ERC2: variants seen among roughly 807,000 people sequenced by gnomAD.
ERC2 encodes the protein ELKS/RAB6-interacting/CAST family member 2.
ERC2 carries 42 observed loss-of-function variants against 114.8 expected under a neutral mutation model. That is an observed-to-expected ratio of 0.37 (90% CI 0.29 to 0.47). The LOEUF (loss-of-function observed/expected upper bound fraction) is 0.47, where lower values mean the gene tolerates loss of function less well. Ranked by LOEUF, ERC2 falls within the 20% of genes least tolerant of loss-of-function variation. The pLI is 0.99. For missense variants in ERC2, 939 were observed against 1,150.7 expected (o/e 0.82, Z 2.66); for synonymous variants, 454 against 425.5 (o/e 1.07, Z -0.82).
At chr3:55,783,355 A>C (rs2149057090) in intron 14 of ERC2, among the ~76,000 whole-genome samples, 1 of 152,320 alleles carries the variant, frequency 6.6e-6, no homozygotes, top group South Asian at 2.1e-4. Context: ...TACCAAGATC[A>C]CAGGGCTAAG....
chr3:56,379,894 A>G (rs1346365911), intron 2 of ERC2, among the ~76,000 whole-genome samples: 1 of 152,158 alleles, frequency 6.6e-6, no homozygotes, highest in Non-Finnish European at 1.5e-5. Context: ...GATGATAAGA[A>G]CTAACATATT....
In ERC2 at chr3:56,311,306, AT is replaced by A. The variant is rs1312300275; in HGVS notation, c.658-14872del. 9.0e-3 allele frequency among the ~76,000 whole-genome samples: 856 copies of A among 95,492 alleles called. 10 individuals carry two copies. Among genetic ancestry groups the A allele is most frequent in the Middle Eastern group, 0.019 (3 of 160 alleles). The allele number at this position is 95,492 out of a possible 152,430, so 62.6% of individuals were successfully genotyped here. A position where few individuals can be genotyped will look rare whatever the true frequency, so the allele number is the denominator to read the frequency against. On this transcript the variant is annotated intron_variant, in intron 2 of 17. Transcript: ENST00000288221. The stretch of plus-strand genomic sequence containing the variant: ...ATATATATATACACACATATATATA[AT>A]TTTTTTTTTTAAGACAGAGTCTCAC...
In ERC2 at chr3:56,435,112, C is replaced by T; in HGVS notation, c.-105G>A. ...TCCAGAATTTTCACCGCATTCTTTTCACAGTCCGTACCAGAAAATAACTCC... is the reference window on the plus strand; with the variant it reads ...TCCAGAATTTTCACCGCATTCTTTTTACAGTCCGTACCAGAAAATAACTCC... On this transcript the variant is annotated 5_prime_UTR_variant, in exon 2 of 18. Transcript: ENST00000288221. 1.2e-6 allele frequency: 1 copy of T among 818,560 alleles called. No homozygotes were observed. Among genetic ancestry groups the T allele is most frequent in the Non-Finnish European group, 1.9e-6 (1 of 532,926 alleles). The allele number at this position is 818,560 out of a possible 1,614,324, so 50.7% of individuals were successfully genotyped here. A position where few individuals can be genotyped will look rare whatever the true frequency, so the allele number is the denominator to read the frequency against.
intron 3 of ERC2, among the ~76,000 whole-genome samples, chr3:56,230,821 C>G (rs1264548210): frequency 6.6e-6 from 1 of 152,180 alleles, no homozygotes; most frequent in African/African-American, 2.4e-5. Flanking sequence ...AAATGGCATT[C>G]ACATGTTCTT....
intron 17 of ERC2, among the ~76,000 whole-genome samples, chr3:55,577,785 T>C (rs944850116): frequency 6.6e-6 from 1 of 152,124 alleles, no homozygotes; most frequent in East Asian, 1.9e-4. Context: ...GAGGGCTTCA[T>C]GTAACCTCCA....
intron 2 of ERC2, among the ~76,000 whole-genome samples, chr3:56,347,069 G>GT (rs777276039): frequency 7.0e-4 from 107 of 152,136 alleles, no homozygotes; most frequent in Non-Finnish European, 2.5e-4. Flanking sequence ...AACTTGCAGT[G>GT]TATTACAAAG....
chr3:55,789,000 T>A (rs1464534450), intron 14 of ERC2, among the ~76,000 whole-genome samples: 1 of 152,164 alleles, frequency 6.6e-6, no homozygotes, highest in African/African-American at 2.4e-5. Context: ...CACAGACTAG[T>A]TTTTCCAATT....
In ERC2 at chr3:55,992,182, T is replaced by C. The variant is rs746672472; in HGVS notation, c.2130A>G (p.Lys710=). Residue 710 remains lysine, a synonymous_variant, in exon 11 of 18, where the codon AAA becomes AAG. Transcript: ENST00000288221. The part of the protein sequence containing the change: ...EFADQIKQLD[K]EASYYRDECG... ...ACTCGTCGCGGTAGTAAGACGCCTC[T>C]TTATCGAGCTGTTTTATTTGGTCTG... is the stretch of plus-strand genomic sequence containing the variant. 1.9e-6 allele frequency: 3 copies of C among 1,613,938 alleles called. No individual in the cohort carries two copies. Among genetic ancestry groups the C allele is most frequent in the Non-Finnish European group, 2.5e-6 (3 of 1,179,830 alleles).
intron 7 of ERC2, among the ~76,000 whole-genome samples, chr3:56,022,458 T>A (rs2073780857): frequency 6.6e-6 from 1 of 152,188 alleles, no homozygotes; most frequent in Admixed American, 6.5e-5. Flanking sequence ...TTAAAAGGAC[T>A]CTGCAGGAGA....
intron 13 of ERC2, among the ~76,000 whole-genome samples, chr3:55,894,012 G>C (rs2063731780): frequency 6.6e-6 from 1 of 152,078 alleles, no homozygotes; most frequent in Admixed American, 6.5e-5. Context: ...TGGCAAATAT[G>C]AAAACACTTA....
chr3:56,451,740 G>A (rs1019011035), intron 1 of ERC2, among the ~76,000 whole-genome samples: 12 of 152,136 alleles, frequency 7.9e-5, no homozygotes, highest in African/African-American at 1.7e-4. Flanking sequence ...GACATAATTC[G>A]GATCTATTCA....
At chr3:55,639,287 C>G (rs2060080321) in intron 17 of ERC2, among the ~76,000 whole-genome samples, 1 of 152,128 alleles carries the variant, frequency 6.6e-6, no homozygotes, top group African/African-American at 2.4e-5. Context: ...TAGCATGTCC[C>G]AACCCCAAAT....
rs2074470567 is a variant in ERC2 at position 56,032,903 on chromosome 3, GAAAGAAAGAA to G, written c.1642-13882_1642-13873del. ...AGAAAGAAAGAGAGAGAGAGAGACA[GAAAGAAAGAA>G]AGAAAGAAAGAAAGAAAGAAAGAAA... On this transcript the variant is annotated intron_variant, in intron 7 of 17. Coordinates refer to ENST00000288221, the MANE Select transcript of ERC2 (RefSeq NM_015576.3). Among the ~76,000 whole-genome samples, 8 of 36,768 alleles carry G rather than the reference GAAAGAAAGAA, an allele frequency of 2.2e-4. No individual in the cohort carries two copies. The South Asian group carries it at 2.9e-3, about 13-fold the overall frequency. The allele number at this position is 36,768 out of a possible 152,430, so 24.1% of individuals were successfully genotyped here. A position where few individuals can be genotyped will look rare whatever the true frequency, so the allele number is the denominator to read the frequency against.
chr3:55,530,354 T>C (rs751533867), intron 17 of ERC2, among the ~76,000 whole-genome samples: 33 of 152,120 alleles, frequency 2.2e-4, no homozygotes, highest in Non-Finnish European at 4.6e-4. Flanking sequence ...AGACAATAAG[T>C]ACATGAATGG....
intron 3 of ERC2, among the ~76,000 whole-genome samples, chr3:56,254,085 G>C (rs1047564274): frequency 2.6e-5 from 4 of 152,248 alleles, no homozygotes; most frequent in Non-Finnish European, 5.9e-5. Flanking sequence ...AGATGGATTG[G>C]GAGAGGGCTA....
At chr3:55,614,658 G>C (rs2148578060) in intron 17 of ERC2, among the ~76,000 whole-genome samples, 1 of 152,266 alleles carries the variant, frequency 6.6e-6, no homozygotes, top group Non-Finnish European at 1.5e-5. Flanking sequence ...AGACCACGTG[G>C]ATAAAAGACA....
chr3:55,917,721 T>G (rs1281637394), intron 13 of ERC2, among the ~76,000 whole-genome samples: 5 of 152,158 alleles, frequency 3.3e-5, no homozygotes. Context: ...TAAAATTGAT[T>G]GCACAACTCT....
intron 14 of ERC2, among the ~76,000 whole-genome samples, chr3:55,787,010 A>G (rs1344317252): frequency 2.6e-5 from 4 of 152,244 alleles, no homozygotes; most frequent in Non-Finnish European, 5.9e-5. Context: ...ACTGTGGGAC[A>G]GATAGGACCT....
intron 14 of ERC2, among the ~76,000 whole-genome samples, chr3:55,749,323 T>G (rs2066514097): frequency 6.6e-6 from 1 of 152,140 alleles, no homozygotes; most frequent in Non-Finnish European, 1.5e-5. Context: ...GCTTCCCAGC[T>G]CCACTGACCA....
Sources: gnomAD v4.1 joint callset for allele counts (sites outside exome capture counted in the v4.1 genomes callset) on GRCh38, gnomAD v4.1.1 for gene constraint, MANE v1.5 for transcripts, NCBI Gene and HGNC (gene_info 2026-07-23, HGNC 2026-07-21) for gene names.